Variants in DDX47 observed in about 807,000 individuals in gnomAD.
DDX47 encodes probable ATP-dependent RNA helicase DDX47.
In DDX47, 60 loss-of-function variants were observed where a neutral mutation model predicts 58.8. The observed-to-expected ratio is 1.02, with a 90% CI of 0.83 to 1.26. The LOEUF is 1.26. DDX47 is among the 50% of genes most tolerant of loss of function. The probability of loss-of-function intolerance (pLI) is 0.00; values close to 1 mark genes in which losing one functional copy is unlikely to be tolerated. For missense variants in DDX47, 530 were observed against 573.2 expected, an observed-to-expected ratio of 0.92 and a Z score of 0.77; for synonymous variants, 197 against 204.6, an observed-to-expected ratio of 0.96 and a Z score of 0.32.
chr12:12,818,519 T>TA (rs770903572), intron 2 of DDX47, among the ~76,000 whole-genome samples: 6,325 of 143,336 alleles, frequency 0.044, 338 homozygotes, highest in African/African-American at 0.13. Context: ...AGACTCTGTC[T>TA]AAAAAAAAAA....
At chr12:12,829,129 C>T (rs1269191762) in intron 11 of DDX47, among the ~76,000 whole-genome samples, 2 of 152,174 alleles carry the variant, frequency 1.3e-5, no homozygotes. Context: ...GCAGATTGCA[C>T]TATAAATGAG....
chr12:12,824,588 A>G lies in DDX47; in HGVS notation c.946A>G (p.Ile316Val). The G allele has an allele frequency of 1.2e-6, 2 of 1,614,138 alleles. No individual in the cohort carries two copies. The highest frequency in any genetic ancestry group is 1.7e-6 in the Non-Finnish European group (2 of 1,180,020). ...TAAGTTTAAGGCCAAGGCCCGTTCC[A>G]TTCTTCTAGCAACTGACGTTGCCAG... ...LNKFKAKARS[I>V]LLATDVASRG... The change falls in exon 9 of 12, where the codon ATT becomes GTT. Residue 316 changes from isoleucine (I) to valine (V), a missense_variant. Coordinates refer to ENST00000358007, the MANE Select transcript of DDX47 (RefSeq NM_016355.4).
chr12:12,821,496 T>A, intron 3 of DDX47, 100 bp downstream of exon 3: 1 of 1,479,518 alleles, frequency 6.8e-7, no homozygotes, highest in Non-Finnish European at 9.4e-7. Context: ...CATAATTTAT[T>A]GACCTAAAGA....
chr12:12,828,077 C>A (rs182500118), intron 11 of DDX47, among the ~76,000 whole-genome samples: 1 of 151,690 alleles, frequency 6.6e-6, no homozygotes, highest in Admixed American at 6.6e-5. Context: ...TTTGGTCAGG[C>A]GAACTTCTGA....
intron 8 of DDX47, 29 bp downstream of exon 8, chr12:12,824,045 G>T: frequency 2.5e-6 from 4 of 1,606,564 alleles, no homozygotes; most frequent in Admixed American, 1.7e-5. Context: ...CATCAGCCAT[G>T]CACTGGTGGC....
chr12:12,821,714 C>T lies in DDX47; in HGVS notation c.430C>T (p.His144Tyr), dbSNP rs769181817. 2.3e-5 allele frequency: 37 copies of T among 1,611,440 alleles called. No homozygotes were observed. The South Asian group carries it at 2.3e-4, about 10-fold the overall frequency. The change falls in exon 4 of 12, where the codon CAT becomes TAT. Residue 144 changes from histidine to tyrosine, a missense_variant. By Grantham distance (83) the His-to-Tyr change is moderately conservative. Coordinates refer to ENST00000358007, the MANE Select transcript of DDX47 (RefSeq NM_016355.4). ...ATCTTTGGCCCTTGCAAAAAAACCA[C>T]ATATAATAATAGGTGAGTAACTGAC... Reference protein sequence around the residue: ...SQSLALAKKPHIIIATPGRLI... With the variant: ...SQSLALAKKPYIIIATPGRLI...
intron 2 of DDX47, chr12:12,820,181 A>G (rs961513684): frequency 3.3e-5 from 5 of 152,188 alleles, no homozygotes; most frequent in Non-Finnish European, 7.3e-5. Flanking sequence ...TTAATTTCCA[A>G]GTCTTATGAG....
intron 8 of DDX47, chr12:12,824,272 A>G (rs1422122645): frequency 1.7e-6 from 1 of 571,940 alleles, no homozygotes; most frequent in Non-Finnish European, 3.0e-6. Flanking sequence ...CCTAGTGGTA[A>G]TAATGACTCT....
chr12:12,819,088 C>T (rs974569749), intron 2 of DDX47, among the ~76,000 whole-genome samples: 1 of 152,182 alleles, frequency 6.6e-6, no homozygotes, highest in African/African-American at 2.4e-5. Flanking sequence ...TCTACTTGAT[C>T]AGTGACATTG....
intron 11 of DDX47, among the ~76,000 whole-genome samples, chr12:12,827,929 C>A (rs986137742): frequency 3.1e-5 from 4 of 130,086 alleles, no homozygotes; most frequent in Non-Finnish European, 6.2e-5. Context: ...CAGGCTGGAG[C>A]GAATGGTGCA....
rs115976769 is a variant in DDX47, at chr12:12,829,640, A to G, written c.*86A>G. The stretch of plus-strand genomic sequence containing the variant: ...GCTCCAACAGAGATCATGAGACTGA[A>G]ATTGGTCAGAATTGTGTCCAGAATG... On this transcript the variant is annotated 3_prime_UTR_variant, in exon 12 of 12. Transcript: ENST00000358007. 237 of 1,480,654 alleles carry G rather than the reference A, an allele frequency of 1.6e-4. 2 individuals are homozygous for G. In the African/African-American group the frequency reaches 2.8e-3, roughly 18 times the overall value. The allele number at this position is 1,480,654 out of a possible 1,614,324, so 91.7% of individuals were successfully genotyped here.
intron 11 of DDX47, among the ~76,000 whole-genome samples, chr12:12,827,874 TTC>T (rs200018057): frequency 7.2e-6 from 1 of 139,644 alleles, no homozygotes; most frequent in Admixed American, 7.7e-5. Context: ...CTTTTCTTTT[TTC>T]TTTTTTTTTT....
rs3741826 is a variant in DDX47 at position 12,814,330 on chromosome 12, C to G, written c.181+106C>G. 0.31 allele frequency: 233,540 copies of G among 755,388 alleles called. 38,518 individuals carry two copies. The highest frequency in any genetic ancestry group is 0.54 in the East Asian group (21,410 of 39,774). 46.8% of individuals were successfully genotyped at this position (755,388 alleles called of 1,614,324 possible). A position where few individuals can be genotyped will look rare whatever the true frequency, so the allele number is the denominator to read the frequency against. On this transcript the variant is annotated intron_variant, in intron 2 of 11. Transcript: ENST00000358007. ...TTCAAGTGAAATAAGGATATGGTCA[C>G]TAAAGGTACAAAGTTTGGGTAATGG...
chr12:12,827,132 C>G (rs1216038936), intron 10 of DDX47, 114 bp from the exon 11 acceptor site: 1 of 1,284,026 alleles, frequency 7.8e-7, no homozygotes, highest in Admixed American at 2.3e-5. Context: ...ATAATATGTT[C>G]AATATTGTTT....
At chr12:12,825,601 T>C (rs1329047841) in intron 9 of DDX47, among the ~76,000 whole-genome samples, 3 of 152,220 alleles carry the variant, frequency 2.0e-5, no homozygotes, top group Non-Finnish European at 4.4e-5. Flanking sequence ...TGTATTTCTA[T>C]TCCTGTTCAC....
chr12:12,826,482 G>A (rs960872727), intron 10 of DDX47, among the ~76,000 whole-genome samples: 2 of 148,852 alleles, frequency 1.3e-5, no homozygotes, highest in African/African-American at 2.5e-5. Context: ...TCGCTCTGTC[G>A]CCTAGGCTGG....
Position 12,827,258 on chromosome 12 carries a change from A to G in DDX47, c.1119A>G (p.Glu373=). 6.2e-7 allele frequency: 1 copy of G among 1,613,962 alleles called. No individual in the cohort carries two copies. The highest frequency in any genetic ancestry group is 1.1e-5 in the South Asian group (1 of 91,040). ...AITFVTQYDV[E]LFQRIEHLIG... ...TTTCCTTCCTCAGGTATGATGTGGA[A>G]CTCTTCCAGCGCATAGAACACTTAA... is the stretch of plus-strand genomic sequence containing the variant. The change falls in exon 11 of 12, where the codon GAA becomes GAG. Residue 373 remains glutamate (E), a synonymous_variant. Transcript: ENST00000358007.
Position 12,827,798 on chromosome 12 carries a change from A to G in DDX47, c.1236+423A>G, listed in dbSNP as rs556595474. On this transcript the variant is annotated intron_variant, in intron 11 of 11. Transcript: ENST00000358007. ...CACCAGAGAAGCCAATATAAACTAC[A>G]TAGTTACTAGTAGGGGTTGATCATA... is the stretch of plus-strand genomic sequence containing the variant. Among the ~76,000 whole-genome samples the G allele has an allele frequency of 2.0e-4, 30 of 152,158 alleles. No homozygotes were observed. In the South Asian group the frequency reaches 3.9e-3, roughly 20 times the overall value.
chr12:12,824,057 TGAGCGAGATAAACCTCCTAACAGTA>T (rs751093923), intron 8 of DDX47, 41 bp downstream of exon 8: 3 of 1,595,336 alleles, frequency 1.9e-6, no homozygotes, highest in African/African-American at 2.7e-5. Context: ...ACTGGTGGCG[TGAGCGAGATAAACCTCCTAACAGTA>T]GGTTTGTACA....
Sources: allele counts gnomAD v4.1 joint callset (sites outside exome capture counted in the v4.1 genomes callset), GRCh38; gene constraint gnomAD v4.1.1; transcripts MANE v1.5; gene names NCBI Gene and HGNC (gene_info 2026-07-23, HGNC 2026-07-21).